Variants in WDTC1 observed in about 807,000 individuals in gnomAD.
WDTC1 encodes the protein WD and tetratricopeptide repeats 1.
In WDTC1, 12 loss-of-function variants were observed where a neutral mutation model predicts 76.0. The ratio of observed to expected loss-of-function variants is 0.16; its 90% CI spans 0.10 to 0.26. The LOEUF (loss-of-function observed/expected upper bound fraction) is 0.26. Among genes scored for constraint, WDTC1 ranks in the 10% least tolerant of loss-of-function variants. WDTC1 has a pLI of 1.00. For synonymous variants in WDTC1, 326 were observed against 350.8 expected, an observed-to-expected ratio of 0.93 and a Z score of 0.79; for missense variants, 511 against 908.8, an observed-to-expected ratio of 0.56 and a Z score of 5.63.
intron 9 of WDTC1, 101 bp downstream of exon 9, chr1:27,294,730 G>A: frequency 6.3e-6 from 6 of 952,732 alleles, no homozygotes; most frequent in Non-Finnish European, 9.6e-6. Flanking sequence ...AGACACAACA[G>A]CCTTATGGTA....
chr1:27,289,383 G>A (rs1312591518), intron 6 of WDTC1, among the ~76,000 whole-genome samples: 4 of 151,750 alleles, frequency 2.6e-5, no homozygotes, highest in Admixed American at 6.6e-5. Flanking sequence ...CCTCCCAGAC[G>A]GGGTCGCGGC....
At chr1:27,297,415 G>A (rs2013722383) in intron 11 of WDTC1, among the ~76,000 whole-genome samples, 1 of 152,198 alleles carries the variant, frequency 6.6e-6, no homozygotes, top group Non-Finnish European at 1.5e-5. Flanking sequence ...GGAGCTAGCT[G>A]CCTCTTAGCA....
At position 27,234,907 on chromosome 1, in the gene WDTC1, C is replaced by T. The variant is rs1016036018; in HGVS notation, c.-144C>T. 7.6e-6 allele frequency: 3 copies of T among 395,480 alleles called. No individual in the cohort carries two copies. Among genetic ancestry groups the T allele is most frequent in the African/African-American group, 4.1e-5 (2 of 48,332 alleles). The allele number at this position is 395,480 out of a possible 1,614,324, so 24.5% of individuals were successfully genotyped here. ...GCCGCCCCCCCCGGACGGACATGGGCTCCTGAAGTTGCGCCGCTGCCGGTC... is the reference window on the plus strand; with the variant it reads ...GCCGCCCCCCCCGGACGGACATGGGTTCCTGAAGTTGCGCCGCTGCCGGTC... On this transcript the variant is annotated 5_prime_UTR_variant, in exon 1 of 16. Transcript: ENST00000319394.
intron 5 of WDTC1, among the ~76,000 whole-genome samples, chr1:27,284,783 C>T (rs2013284668): frequency 1.3e-5 from 2 of 151,306 alleles, no homozygotes; most frequent in African/African-American, 4.9e-5. Flanking sequence ...AAAAAAACAA[C>T]CTGAAAAGGA....
chr1:27,271,506 T>G (rs535158086), intron 3 of WDTC1, among the ~76,000 whole-genome samples: 24 of 152,092 alleles, frequency 1.6e-4, no homozygotes, highest in Non-Finnish European at 2.6e-4. Context: ...CGAGCCACCA[T>G]GCCTGTTTAC....
At chr1:27,248,502 T>C (rs1465353035) in intron 1 of WDTC1, among the ~76,000 whole-genome samples, 1 of 152,208 alleles carries the variant, frequency 6.6e-6, no homozygotes, top group East Asian at 1.9e-4. Flanking sequence ...GGATTGTTTT[T>C]TTCTTACACA....
At chr1:27,257,629 A>G (rs2012327062) in intron 1 of WDTC1, among the ~76,000 whole-genome samples, 1 of 152,188 alleles carries the variant, frequency 6.6e-6, no homozygotes, top group African/African-American at 2.4e-5. Flanking sequence ...GACTCCTGCA[A>G]AAATCATCAT....
At chr1:27,240,377 T>C (rs899100065) in intron 1 of WDTC1, among the ~76,000 whole-genome samples, 9 of 152,184 alleles carry the variant, frequency 5.9e-5, no homozygotes, top group African/African-American at 2.2e-4. Context: ...CTCTGTGACC[T>C]AGGGCCAATC....
intron 5 of WDTC1, among the ~76,000 whole-genome samples, chr1:27,286,576 C>A (rs2013345432): frequency 2.0e-5 from 3 of 149,170 alleles, no homozygotes; most frequent in Middle Eastern, 3.5e-3. Context: ...TTCACACCAT[C>A]CTCCTGCCTC....
At chr1:27,293,074 T>C (rs2013581375) in intron 7 of WDTC1, among the ~76,000 whole-genome samples, 1 of 151,352 alleles carries the variant, frequency 6.6e-6, no homozygotes, top group African/African-American at 2.4e-5. Context: ...CTTTATGAAA[T>C]GGACTTTCTT....
At chr1:27,275,987 A>T (rs1404510840) in intron 3 of WDTC1, among the ~76,000 whole-genome samples, 42 of 152,214 alleles carry the variant, frequency 2.8e-4, no homozygotes, top group Non-Finnish European at 5.9e-5. Flanking sequence ...ACGTAAATGA[A>T]ATTATAAAGT....
At position 27,303,570 on chromosome 1, in the gene WDTC1, G is replaced by A. The variant is rs199869207; in HGVS notation, c.1469-51G>A. ...AGAGCCATAGGTGGGGGAAAATAGG[G>A]AAGGAGAGAAAGGAACAAGGCGCTT... On this transcript the variant is annotated intron_variant, in intron 13 of 15. Coordinates refer to ENST00000319394, the MANE Select transcript of WDTC1 (RefSeq NM_001276252.2). This position sits in a 1 kb window ranked among gnomAD's most constrained non-coding sequence, Gnocchi z 4.8. 7.3e-5 allele frequency: 112 copies of A among 1,529,630 alleles called. No homozygotes were observed. The highest frequency in any genetic ancestry group is 1.6e-4 in the Admixed American group (7 of 43,064). 94.8% of individuals were successfully genotyped at this position (1,529,630 alleles called of 1,614,324 possible).
In WDTC1 at chr1:27,308,152, A is replaced by C. The variant is rs905623593; in HGVS notation, c.*1769A>C. ...CAGTGTGGAGAGACACATAAGCCTT[A>C]CTGTCCTCTGGGGGCAGGAGCCGAG... On this transcript the variant is annotated 3_prime_UTR_variant, in exon 16 of 16. Transcript: ENST00000319394. The C allele has an allele frequency of 1.3e-5, 2 of 151,568 alleles. No homozygotes were observed. Among genetic ancestry groups the C allele is most frequent in the Non-Finnish European group, 2.9e-5 (2 of 67,976 alleles). The allele number at this position is 151,568 out of a possible 1,614,324, so 9.4% of individuals were successfully genotyped here.
At chr1:27,242,429 A>G (rs940166147) in intron 1 of WDTC1, among the ~76,000 whole-genome samples, 4 of 152,122 alleles carry the variant, frequency 2.6e-5, no homozygotes, top group Non-Finnish European at 5.9e-5. Flanking sequence ...TGATAGTGCT[A>G]CATTCCATTC....
In WDTC1 at chr1:27,294,619, G is replaced by A. The variant is rs773396139; in HGVS notation, c.863G>A (p.Gly288Glu). Reference protein sequence around the residue: ...PNGTELLVNMGGEQVYLFDLT... With the variant: ...PNGTELLVNMEGEQVYLFDLT... ...GGCACAGAGCTACTAGTCAACATGG[G>A]GGGGGAACAGGTATGTACAGCATAA... The change falls in exon 9 of 16, where the codon GGG becomes GAG. Residue 288 changes from glycine to glutamate, a missense_variant. Coordinates refer to ENST00000319394, the MANE Select transcript of WDTC1 (RefSeq NM_001276252.2). The A allele has an allele frequency of 1.2e-6, 2 of 1,613,828 alleles. No individual in the cohort carries two copies. The highest frequency in any genetic ancestry group is 1.7e-6 in the Non-Finnish European group (2 of 1,179,888).
chr1:27,297,850 G>T (rs1214230474), intron 11 of WDTC1, 88 bp from the exon 12 acceptor site: 3 of 1,394,158 alleles, frequency 2.2e-6, no homozygotes, highest in African/African-American at 1.5e-5. Context: ...AAGAAAATCT[G>T]GGTGGCCCTC....
chr1:27,301,553 G>C lies in WDTC1; in HGVS notation c.1468+92G>C. The C allele has an allele frequency of 7.1e-7, 1 of 1,416,058 alleles. No individual in the cohort carries two copies. Among genetic ancestry groups the C allele is most frequent in the Non-Finnish European group, 9.7e-7 (1 of 1,034,974 alleles). The allele number at this position is 1,416,058 out of a possible 1,614,324, so 87.7% of individuals were successfully genotyped here. A position where few individuals can be genotyped will look rare whatever the true frequency, so the allele number is the denominator to read the frequency against. The stretch of plus-strand genomic sequence containing the variant: ...GAGGTCATGGTTCTGGGATTGGAGA[G>C]GCCTGGGTTCAGATGTTGATTCAGA... On this transcript the variant is annotated intron_variant, in intron 13 of 15. Coordinates refer to ENST00000319394, the MANE Select transcript of WDTC1 (RefSeq NM_001276252.2). The surrounding 1 kb of genome is among the most constrained non-coding windows in gnomAD (Gnocchi z 5.8).
At position 27,263,251 on chromosome 1, in the gene WDTC1, T is replaced by G; in HGVS notation, c.132+16T>G. The G allele has an allele frequency of 1.2e-6, 2 of 1,611,184 alleles. No homozygotes were observed. Among genetic ancestry groups the G allele is most frequent in the Non-Finnish European group, 1.7e-6 (2 of 1,179,146 alleles). ...AGAGCTGCAGGTAAGAGATCCAGTT[T>G]GCACCTTAGATGCAGATGGCCTGCT... On this transcript the variant is annotated intron_variant, in intron 3 of 15. Transcript: ENST00000319394.
intron 2 of WDTC1, 81 bp downstream of exon 2, chr1:27,261,183 TCTATAGTCTGTGACTTGC>T: frequency 6.4e-7 from 1 of 1,567,770 alleles, no homozygotes; most frequent in Non-Finnish European, 8.7e-7. Context: ...AAAACTGAAA[TCTATAGTCTGTGACTTGC>T]CTAAAGTCAC....
Sources: gnomAD v4.1 joint callset for allele counts (sites outside exome capture counted in the v4.1 genomes callset) on GRCh38, gnomAD v4.1.1 for gene constraint, Gnocchi (gnomAD v3.1) non-coding constraint, MANE v1.5 for transcripts, NCBI Gene and HGNC (gene_info 2026-07-23, HGNC 2026-07-21) for gene names.